Variants in KDM4C observed in about 807,000 individuals in gnomAD.
The protein encoded by KDM4C is lysine-specific demethylase 4C.
Under a neutral mutation model 129.3 loss-of-function variants are expected in KDM4C, and 81 were observed. The observed-to-expected ratio is 0.63, with a 90% CI of 0.52 to 0.75. KDM4C has a LOEUF of 0.75. KDM4C is among the 30% of genes least tolerant of loss of function. The pLI, the probability that KDM4C is intolerant of heterozygous loss-of-function variation, is 0.00. For synonymous variants in KDM4C, 573 were observed against 456.1 expected, an observed-to-expected ratio of 1.26 and a Z score of -3.26; for missense variants, 1,457 against 1,304.0, an observed-to-expected ratio of 1.12 and a Z score of -1.81.
intron 1 of KDM4C, among the ~76,000 whole-genome samples, chr9:6,724,650 C>T (rs1188376351): frequency 6.6e-6 from 1 of 152,124 alleles, no homozygotes; most frequent in Non-Finnish European, 1.5e-5. Flanking sequence ...CCTGCCTCAG[C>T]CTCCCGAGCA....
chr9:6,959,978 A>G (rs1829756532), intron 8 of KDM4C, among the ~76,000 whole-genome samples: 1 of 152,068 alleles, frequency 6.6e-6, no homozygotes, highest in Non-Finnish European at 1.5e-5. Flanking sequence ...TGTAGCCCGT[A>G]TGAAAAGCTG....
At chr9:6,879,698 G>A (rs1009221944) in intron 5 of KDM4C, among the ~76,000 whole-genome samples, 4 of 152,190 alleles carry the variant, frequency 2.6e-5, no homozygotes, top group Admixed American at 1.3e-4. Context: ...CTGGCACAGA[G>A]GGTCTCTAGG....
At chr9:6,826,021 A>T (rs1588527744) in intron 4 of KDM4C, among the ~76,000 whole-genome samples, 2 of 152,154 alleles carry the variant, frequency 1.3e-5, no homozygotes, top group East Asian at 3.8e-4. Flanking sequence ...TATATTGCCC[A>T]GGCTGATCTC....
chr9:6,740,507 A>C (rs982584298), intron 1 of KDM4C, among the ~76,000 whole-genome samples: 2 of 141,790 alleles, frequency 1.4e-5, no homozygotes, highest in Non-Finnish European at 3.1e-5. Context: ...CTGGCCTTTC[A>C]CCCGGCCTAA....
At chr9:6,807,776 G>A (rs1161737830) in intron 3 of KDM4C, among the ~76,000 whole-genome samples, 2 of 141,288 alleles carry the variant, frequency 1.4e-5, no homozygotes, top group Admixed American at 7.0e-5. Context: ...CAGCCACCCC[G>A]TCTGGGAGGG....
intron 8 of KDM4C, chr9:6,925,049 T>G (rs1019933017): frequency 1.0e-6 from 1 of 985,398 alleles, no homozygotes; most frequent in African/African-American, 1.7e-5. Flanking sequence ...TGTATAAGAA[T>G]GAACATTCAA....
chr9:6,898,919 T>G (rs1198132308), intron 8 of KDM4C, among the ~76,000 whole-genome samples: 1 of 152,218 alleles, frequency 6.6e-6, no homozygotes, highest in Non-Finnish European at 1.5e-5. Context: ...ATTTCTCTGT[T>G]CCTGTGACAT....
chr9:6,846,715 T>G (rs898969205), intron 4 of KDM4C, among the ~76,000 whole-genome samples: 13 of 152,230 alleles, frequency 8.5e-5, no homozygotes, highest in Admixed American at 3.3e-4. Flanking sequence ...AGTAGTGAAT[T>G]TAAACACATT....
At chr9:7,120,071 C>G (rs921814462) in intron 18 of KDM4C, among the ~76,000 whole-genome samples, 16 of 152,130 alleles carry the variant, frequency 1.1e-4, no homozygotes, top group Non-Finnish European at 1.5e-5. Context: ...TAGTATTGCT[C>G]TTCCTCGTGG....
At chr9:6,724,452 A>C (rs1817057535) in intron 1 of KDM4C, among the ~76,000 whole-genome samples, 4 of 152,180 alleles carry the variant, frequency 2.6e-5, no homozygotes. Context: ...AAAGAAGGTA[A>C]TGCTCAGCGA....
At chr9:7,144,006 T>C (rs1841998053) in intron 19 of KDM4C, among the ~76,000 whole-genome samples, 1 of 152,234 alleles carries the variant, frequency 6.6e-6, no homozygotes, top group Non-Finnish European at 1.5e-5. Flanking sequence ...ATGGCATTGC[T>C]CACATTTTTT....
chr9:7,172,072 T>A (rs1314537627), intron 21 of KDM4C, among the ~76,000 whole-genome samples: 1 of 151,806 alleles, frequency 6.6e-6, no homozygotes, highest in Non-Finnish European at 1.5e-5. Flanking sequence ...TGTCCATGAT[T>A]ATTACTATTT....
chr9:6,916,873 T>A (rs1563808371), intron 8 of KDM4C, among the ~76,000 whole-genome samples: 1 of 152,206 alleles, frequency 6.6e-6, no homozygotes, highest in Non-Finnish European at 1.5e-5. Context: ...GCACTGTATT[T>A]TTCTGTGCTT....
At chr9:6,830,572 A>T (rs1834649591) in intron 4 of KDM4C, among the ~76,000 whole-genome samples, 1 of 152,228 alleles carries the variant, frequency 6.6e-6, no homozygotes. Context: ...TTGCAGATTT[A>T]TATATTTGAT....
chr9:6,863,323 G>GTAGC (rs1430365476), intron 5 of KDM4C, among the ~76,000 whole-genome samples: 1 of 152,114 alleles, frequency 6.6e-6, no homozygotes, highest in Non-Finnish European at 1.5e-5. Flanking sequence ...CTTTCCTTGT[G>GTAGC]TAGCTATGAA....
chr9:6,756,933 T>C (rs533152343), upstream of KDM4C, among the ~76,000 whole-genome samples: 16 of 152,300 alleles, frequency 1.1e-4, no homozygotes, highest in South Asian at 3.3e-3. Flanking sequence ...AAATTCAGCA[T>C]ATTAGCCCAA....
chr9:7,169,046 A>AT (rs1223214545), intron 20 of KDM4C, among the ~76,000 whole-genome samples: 2 of 101,258 alleles, frequency 2.0e-5, no homozygotes, highest in Admixed American at 1.9e-4. Flanking sequence ...CCCTGTCTCA[A>AT]TTTAAAAAAA....
intron 9 of KDM4C, chr9:6,982,754 C>G (rs1401966793): frequency 1.3e-5 from 2 of 152,182 alleles, no homozygotes; most frequent in Admixed American, 1.3e-4. Flanking sequence ...AGGTGTATGA[C>G]TTGGTTTCCA....
intron 1 of KDM4C, among the ~76,000 whole-genome samples, chr9:6,751,728 C>T (rs973412877): frequency 1.3e-5 from 2 of 152,036 alleles, no homozygotes; most frequent in Admixed American, 1.3e-4. Context: ...TAGTTGTTCA[C>T]AATAGTCAGC....
Sources: gnomAD v4.1 joint callset for allele counts (sites outside exome capture counted in the v4.1 genomes callset) on GRCh38, gnomAD v4.1.1 for gene constraint, MANE v1.5 for transcripts, NCBI Gene and HGNC (gene_info 2026-07-23, HGNC 2026-07-21) for gene names.